GREP1: variants seen among roughly 807,000 people sequenced by gnomAD.
GREP1 encodes the protein glycine rich extracellular protein 1.
At chr16:2,988,607 C>T (rs1479635526) in exon 2 of GREP1, 4 of 399,104 alleles carry the variant, frequency 1.0e-5, no homozygotes, top group African/African-American at 2.1e-5. Context: ...CCTTCTGCCT[C>T]CTGGCCTGGG....
intron 27 of GREP1, among the ~76,000 whole-genome samples, chr16:2,999,640 C>T (rs146807856): frequency 3.9e-5 from 6 of 152,166 alleles, no homozygotes; most frequent in Admixed American, 6.5e-5. Context: ...TTTGTAGAGT[C>T]GGGGTTTTGT....
Position 2,989,858 on chromosome 16 carries a change from A to G in GREP1, c.131-116A>G, listed in dbSNP as rs12930630. 2.0e-5 allele frequency: 8 copies of G among 398,122 alleles called. No homozygotes were observed. Among genetic ancestry groups the G allele is most frequent in the East Asian group, 1.4e-4 (4 of 28,044 alleles). The allele number at this position is 398,122 out of a possible 1,614,324, so 24.7% of individuals were successfully genotyped here. A position where few individuals can be genotyped will look rare whatever the true frequency, so the allele number is the denominator to read the frequency against. ...CACCTGTGCCCCACAGCCCTCCCCC[A>G]TCATGGGAAGGGACTGAGTTCCCAC... is the stretch of plus-strand genomic sequence containing the variant. On this transcript the variant is annotated intron_variant, in intron 3 of 34. Transcript: ENST00000573315. The surrounding 1 kb of genome is among the most constrained non-coding windows in gnomAD (Gnocchi z 4.2).
At chr16:2,995,300 G>T in exon 14 of GREP1, 1 of 399,006 alleles carries the variant, frequency 2.5e-6, no homozygotes, top group East Asian at 3.6e-5. Context: ...GAGGGGACAT[G>T]AAGGCACAGG....
At chr16:3,001,051 G>A (rs2072459229) in intron 33 of GREP1, among the ~76,000 whole-genome samples, 1 of 152,198 alleles carries the variant, frequency 6.6e-6, no homozygotes, top group Non-Finnish European at 1.5e-5. Context: ...CTGAGAGCCA[G>A]CCCAGACACT....
rs2072399342 is a variant in GREP1, at chr16:2,991,509, G to A, written c.322+408G>A. 1 of 168,038 alleles carries A rather than the reference G, an allele frequency of 6.0e-6. No individual in the cohort carries two copies. Among genetic ancestry groups the A allele is most frequent in the Non-Finnish European group, 1.3e-5 (1 of 79,044 alleles). The allele number at this position is 168,038 out of a possible 1,614,324, so 10.4% of individuals were successfully genotyped here. A position where few individuals can be genotyped will look rare whatever the true frequency, so the allele number is the denominator to read the frequency against. ...TTTAGGGTCCCAACCCTCATTCTTA[G>A]GGGAGGAGCTCTTAGGGTCAATGTC... On this transcript the variant is annotated intron_variant, in intron 8 of 34. Coordinates refer to ENST00000573315, the Ensembl canonical transcript of GREP1. The surrounding 1 kb of genome is among the most constrained non-coding windows in gnomAD (Gnocchi z 4.9).
exon 27 of GREP1, chr16:2,999,267 G>A: frequency 5.0e-6 from 2 of 398,846 alleles, no homozygotes; most frequent in Non-Finnish European, 8.8e-6. Flanking sequence ...ACCAATGCCA[G>A]CCATCCAGTG....
intron 32 of GREP1, 58 bp from the exon 27 acceptor site, chr16:3,000,656 G>C: frequency 2.5e-6 from 1 of 398,856 alleles, no homozygotes. Flanking sequence ...GCCCAACAGG[G>C]GCCAGGGGTC....
At chr16:2,995,927 T>C in intron 18 of GREP1, 156 bp downstream of exon 17, 1 of 396,276 alleles carries the variant, frequency 2.5e-6, no homozygotes, top group Non-Finnish European at 4.4e-6. Flanking sequence ...ACACCTGGGG[T>C]AGGAGCCCAG....
chr16:2,996,283 G>T (rs1229940996), intron 18 of GREP1, among the ~76,000 whole-genome samples: 1 of 152,204 alleles, frequency 6.6e-6, no homozygotes, highest in Admixed American at 6.5e-5. Flanking sequence ...GGGCCAGGGG[G>T]CCGGGAGGGC....
Position 3,000,543 on chromosome 16 carries a change from G to A in GREP1, c.1358-11G>A, listed in dbSNP as rs551866075. ...CAGGGGCTAGGCGGGAATGACCAGA[G>A]TCTCTTGGAGGGGATGGGGTGGAAG... On this transcript the variant is annotated splice_polypyrimidine_tract_variant and intron_variant, in intron 31 of 34. Transcript: ENST00000573315. 73 of 399,106 alleles carry A rather than the reference G, an allele frequency of 1.8e-4. 1 individual carries two copies. In the South Asian group the frequency reaches 8.0e-3, roughly 44 times the overall value. The allele number at this position is 399,106 out of a possible 1,614,324, so 24.7% of individuals were successfully genotyped here.
At chr16:2,996,130 A>C (rs2072423235) in intron 18 of GREP1, among the ~76,000 whole-genome samples, 1 of 152,004 alleles carries the variant, frequency 6.6e-6, no homozygotes, top group Admixed American at 6.6e-5. Context: ...ACAGGATTTC[A>C]CCATGTTGCT....
chr16:3,000,861 A>G, intron 33 of GREP1, 34 bp downstream of exon 27: 1 of 398,890 alleles, frequency 2.5e-6, no homozygotes, highest in Non-Finnish European at 4.4e-6. Context: ...TGTTGGGGCC[A>G]TTAGAGGTGG....
rs1596461683 is a variant in GREP1 at position 2,992,857 on chromosome 16, C to T, written c.352+23C>T. 1.0e-5 allele frequency: 4 copies of T among 399,054 alleles called. No individual in the cohort carries two copies. The highest frequency in any genetic ancestry group is 1.3e-5 in the Non-Finnish European group (3 of 226,080). The allele number at this position is 399,054 out of a possible 1,614,324, so 24.7% of individuals were successfully genotyped here. ...CAGGTAAAGAGGGTGGGGACGGAAG[C>T]GGGGAGCCTGGGGCTGAGATTCTGG... On this transcript the variant is annotated intron_variant, in intron 9 of 34. Transcript: ENST00000573315. This position sits in a 1 kb window ranked among gnomAD's most constrained non-coding sequence, Gnocchi z 4.9.
At chr16:2,990,342 A>C in intron 5 of GREP1, 1 of 398,552 alleles carries the variant, frequency 2.5e-6, no homozygotes, top group Non-Finnish European at 4.4e-6. Flanking sequence ...TCCACTAAGA[A>C]TGGCTATGGA....
Position 2,997,044 on chromosome 16 carries a change from C to G in GREP1, c.845C>G (p.Ser282Cys). The G allele has an allele frequency of 2.5e-6, 1 of 399,178 alleles. No homozygotes were observed. The highest frequency in any genetic ancestry group is 4.4e-6 in the Non-Finnish European group (1 of 226,176). The allele number at this position is 399,178 out of a possible 1,614,324, so 24.7% of individuals were successfully genotyped here. ...TGGGTCCCTCACTTGCTCCCTTTCT[C>G]TTCACCAGGCTATTTGGGGGTTATG... The change falls in exon 21 of 35, where the codon TCT becomes TGT. Residue 282 changes from serine to cysteine, a missense_variant. Ser to Cys is a moderately radical substitution (Grantham distance 112). Coordinates refer to ENST00000573315, the Ensembl canonical transcript of GREP1.
chr16:2,996,935 T>C, intron 20 of GREP1, 118 bp from the exon 20 acceptor site: 1 of 399,162 alleles, frequency 2.5e-6, no homozygotes, highest in East Asian at 3.6e-5. Context: ...TTCCCTTTTT[T>C]GCCCCACAGG....
At chr16:2,998,710 T>G (rs2072441433) in intron 25 of GREP1, 138 bp from the exon 24 acceptor site, 1 of 398,232 alleles carries the variant, frequency 2.5e-6, no homozygotes, top group Non-Finnish European at 4.4e-6. Flanking sequence ...CCAGCCTGGC[T>G]AATGTCCCCC....
rs1227652641 is a variant in GREP1 at position 2,995,723 on chromosome 16, C to G, written c.590-16C>G. The G allele has an allele frequency of 5.0e-6, 2 of 398,600 alleles. No homozygotes were observed. Among genetic ancestry groups the G allele is most frequent in the African/African-American group, 2.1e-5 (1 of 48,586 alleles). The allele number at this position is 398,600 out of a possible 1,614,324, so 24.7% of individuals were successfully genotyped here. ...GGCCCCTGAGTCACTCACCAGCCCCCCTATATCTCCTCCAGGCCTTGGAGG... is the reference window on the plus strand; with the variant it reads ...GGCCCCTGAGTCACTCACCAGCCCCGCTATATCTCCTCCAGGCCTTGGAGG... On this transcript the variant is annotated splice_polypyrimidine_tract_variant and intron_variant, in intron 16 of 34. Coordinates refer to ENST00000573315, the Ensembl canonical transcript of GREP1.
chr16:2,988,812 G>A, intron 2 of GREP1, 190 bp downstream of exon 2: 1 of 396,404 alleles, frequency 2.5e-6, no homozygotes, highest in Non-Finnish European at 4.4e-6. Flanking sequence ...ACTCTCAGAA[G>A]AGTCTCCCGG....
Sources: gnomAD v4.1 joint callset for allele counts (sites outside exome capture counted in the v4.1 genomes callset) on GRCh38, gnomAD v4.1.1 for gene constraint, Gnocchi (gnomAD v3.1) non-coding constraint, MANE v1.5 for transcripts, NCBI Gene and HGNC (gene_info 2026-07-23, HGNC 2026-07-21) for gene names.